NDUFV2: variants seen among roughly 807,000 people sequenced by gnomAD.
NDUFV2 encodes the protein NADH dehydrogenase [ubiquinone] flavoprotein 2, mitochondrial.
Under a neutral mutation model 31.6 loss-of-function variants are expected in NDUFV2, and 18 were observed. That is an observed-to-expected ratio of 0.57 (90% CI 0.39 to 0.84). The LOEUF (loss-of-function observed/expected upper bound fraction) is 0.84. Among genes scored for constraint, NDUFV2 ranks in the 40% least tolerant of loss-of-function variants. The pLI is 0.00. For missense variants in NDUFV2, 314 were observed against 303.6 expected (o/e 1.03, Z -0.26); for synonymous variants, 83 against 99.8 (o/e 0.83, Z 1.01).
intron 1 of NDUFV2, among the ~76,000 whole-genome samples, chr18:9,115,468 A>G (rs1157908477): frequency 6.6e-6 from 1 of 152,210 alleles, no homozygotes; most frequent in Non-Finnish European, 1.5e-5. Flanking sequence ...TTTTGCTGCA[A>G]TAAACATAAT....
intron 1 of NDUFV2, chr18:9,103,163 C>G (rs976929164): frequency 6.5e-5 from 26 of 401,014 alleles, no homozygotes; most frequent in Non-Finnish European, 1.3e-5. Context: ...CCTCTCGTTT[C>G]AAGCCTAGTG....
rs71168030 is a variant in NDUFV2 at position 9,118,815 on chromosome 18, GTTTTTTTT to G, written c.121-493_121-486del. ...GAAAACGTGGGAAAGAGATGGTGCT[GTTTTTTTT>G]TTTTTTTTTTTTTTTTTAAGATGGT... On this transcript the variant is annotated intron_variant, in intron 2 of 7. Transcript: ENST00000318388. 4.1e-3 allele frequency among the ~76,000 whole-genome samples: 311 copies of G among 76,762 alleles called. 2 individuals are homozygous for G. The highest frequency in any genetic ancestry group is 0.013 in the African/African-American group (258 of 20,164). The allele number at this position is 76,762 out of a possible 152,430, so 50.4% of individuals were successfully genotyped here.
chr18:9,106,388 T>C (rs1172267264), intron 1 of NDUFV2, among the ~76,000 whole-genome samples: 1 of 152,248 alleles, frequency 6.6e-6, no homozygotes, highest in Non-Finnish European at 1.5e-5. Context: ...CTTTTGTTTT[T>C]ATAAAATATT....
In NDUFV2 at chr18:9,111,617, T is replaced by TG. The variant is rs1380487197; in HGVS notation, c.55-6217dup. 4.6e-5 allele frequency among the ~76,000 whole-genome samples: 7 copies of TG among 151,896 alleles called. No homozygotes were observed. The East Asian group carries it at 7.8e-4, about 17-fold the overall frequency. ...CTAATTTTTGTATTTTTAGTAGGGATGGGGTCTCATCATGTTGGCTAGGCT... is the reference window on the plus strand; with the variant it reads ...CTAATTTTTGTATTTTTAGTAGGGATGGGGGTCTCATCATGTTGGCTAGGCT... On this transcript the variant is annotated intron_variant, in intron 1 of 7. Coordinates refer to ENST00000318388, the MANE Select transcript of NDUFV2 (RefSeq NM_021074.5).
chr18:9,123,176 C>T (rs1416489308), intron 5 of NDUFV2, among the ~76,000 whole-genome samples: 1 of 152,036 alleles, frequency 6.6e-6, no homozygotes, highest in Non-Finnish European at 1.5e-5. Context: ...GGCATTTTCC[C>T]CTACAAAACT....
intron 1 of NDUFV2, among the ~76,000 whole-genome samples, chr18:9,111,514 T>C (rs530446241): frequency 4.0e-5 from 6 of 149,678 alleles, no homozygotes; most frequent in African/African-American, 1.5e-4. Flanking sequence ...CTGCAACCTC[T>C]GCATCCTGAG....
chr18:9,125,530 T>A (rs1373009030), intron 6 of NDUFV2, among the ~76,000 whole-genome samples: 3 of 150,744 alleles, frequency 2.0e-5, no homozygotes, highest in Non-Finnish European at 4.4e-5. Context: ...TGTTTTTGAT[T>A]GAGCGTTTCT....
intron 1 of NDUFV2, among the ~76,000 whole-genome samples, chr18:9,115,262 C>T (rs963727846): frequency 2.0e-5 from 3 of 152,016 alleles, no homozygotes; most frequent in African/African-American, 7.2e-5. Flanking sequence ...GCCTTCTAGT[C>T]TTTTAATCAG....
chr18:9,120,204 G>A (rs1002824694), intron 4 of NDUFV2, among the ~76,000 whole-genome samples: 1 of 152,098 alleles, frequency 6.6e-6, no homozygotes, highest in Non-Finnish European at 1.5e-5. Context: ...CTACATTTGT[G>A]TGGTGATGTA....
chr18:9,104,939 AACAG>A (rs759908952), intron 1 of NDUFV2: 64 of 1,548,462 alleles, frequency 4.1e-5, no homozygotes, highest in Non-Finnish European at 5.5e-5. Context: ...GTCTACACAT[AACAG>A]ACCTTACAGA....
At chr18:9,118,193 G>C (rs1024316275) in intron 2 of NDUFV2, among the ~76,000 whole-genome samples, 2 of 152,198 alleles carry the variant, frequency 1.3e-5, no homozygotes, top group African/African-American at 4.8e-5. Flanking sequence ...TCTCAGTCAT[G>C]TTGGCTTACT....
Position 9,109,291 on chromosome 18 carries a change from C to G in NDUFV2, c.54+6494C>G, listed in dbSNP as rs868246764. On this transcript the variant is annotated intron_variant, in intron 1 of 7. Transcript: ENST00000318388. ...AGGTATATTCCTTGCCTTAGTTGGC[C>G]TCTAATAAAGGAAAAAAGAAGGGTT... 5.3e-5 allele frequency among the ~76,000 whole-genome samples: 8 copies of G among 152,228 alleles called. No individual in the cohort carries two copies. In the South Asian group the frequency reaches 1.0e-3, roughly 20 times the overall value.
At chr18:9,119,206 A>C (rs2077916482) in intron 2 of NDUFV2, 120 bp from the exon 3 acceptor site, 2 of 776,648 alleles carry the variant, frequency 2.6e-6, no homozygotes, top group Non-Finnish European at 4.5e-6. Flanking sequence ...ATAGGGTGGT[A>C]TATATCATGT....
intron 4 of NDUFV2, among the ~76,000 whole-genome samples, chr18:9,121,859 A>G (rs142432783): frequency 1.3e-3 from 203 of 152,348 alleles, no homozygotes; most frequent in African/African-American, 4.6e-3. Context: ...AGAAAGTACT[A>G]GACTATATGA....
chr18:9,122,911 G>A (rs1385997458), intron 5 of NDUFV2, among the ~76,000 whole-genome samples: 1 of 152,140 alleles, frequency 6.6e-6, no homozygotes, highest in African/African-American at 2.4e-5. Context: ...TAATCAGTAT[G>A]TTTGAAATGC....
intron 1 of NDUFV2, among the ~76,000 whole-genome samples, chr18:9,114,557 C>T (rs990209800): frequency 6.7e-6 from 1 of 149,582 alleles, no homozygotes; most frequent in Non-Finnish European, 1.5e-5. Flanking sequence ...ACTTAAATCT[C>T]AAAATAGTCC....
At chr18:9,109,910 T>A (rs978966416) in intron 1 of NDUFV2, among the ~76,000 whole-genome samples, 5 of 152,096 alleles carry the variant, frequency 3.3e-5, no homozygotes, top group Non-Finnish European at 5.9e-5. Context: ...GAAAAAAAAA[T>A]AAGCTAGAAT....
At chr18:9,119,254 T>C in intron 2 of NDUFV2, 72 bp from the exon 3 acceptor site, 2 of 1,107,874 alleles carry the variant, frequency 1.8e-6, no homozygotes, top group Non-Finnish European at 2.8e-6. Context: ...TAAGTAATAG[T>C]ATAGTAATGT....
At chr18:9,109,457 A>G (rs1424271299) in intron 1 of NDUFV2, among the ~76,000 whole-genome samples, 2 of 152,230 alleles carry the variant, frequency 1.3e-5, no homozygotes, top group African/African-American at 2.4e-5. Context: ...TAGAACTGAA[A>G]AGTGAGCTTC....
Sources: allele counts gnomAD v4.1 joint callset (sites outside exome capture counted in the v4.1 genomes callset), GRCh38; gene constraint gnomAD v4.1.1; transcripts MANE v1.5; gene names NCBI Gene and HGNC (gene_info 2026-07-23, HGNC 2026-07-21).